Variants in CAPN9 observed in about 807,000 individuals in gnomAD.
The protein encoded by CAPN9 is calpain-9.
Under a neutral mutation model 92.8 loss-of-function variants are expected in CAPN9, and 81 were observed. The ratio of observed to expected loss-of-function variants is 0.87; its 90% CI spans 0.73 to 1.05. The LOEUF (loss-of-function observed/expected upper bound fraction) is 1.05. Among genes scored for constraint, CAPN9 ranks in the 50% least tolerant of loss-of-function variants. CAPN9 has a pLI of 0.00. For missense variants in CAPN9, 848 were observed against 866.2 expected, an observed-to-expected ratio of 0.98 and a Z score of 0.26; for synonymous variants, 304 against 328.0, an observed-to-expected ratio of 0.93 and a Z score of 0.79.
chr1:230,779,211 G>A, intron 9 of CAPN9, 78 bp downstream of exon 9: 2 of 1,371,162 alleles, frequency 1.5e-6, no homozygotes, highest in South Asian at 2.6e-5. Flanking sequence ...ATAAGGGCCG[G>A]GTCCTCAGAG....
At chr1:230,786,132 CAAGTAAGCATCTATGATTCT>C (rs1667566428) in intron 12 of CAPN9, 115 bp downstream of exon 12, 1 of 1,592,764 alleles carries the variant, frequency 6.3e-7, no homozygotes, top group South Asian at 1.2e-5. Flanking sequence ...TACATGCAAT[CAAGTAAGCATCTATGATTCT>C]AACCTCCTGG....
At chr1:230,754,195 A>G (rs1199556372) in intron 1 of CAPN9, among the ~76,000 whole-genome samples, 4 of 152,116 alleles carry the variant, frequency 2.6e-5, no homozygotes, top group Admixed American at 2.6e-4. Flanking sequence ...CCACCAGGGC[A>G]GGGGCTTTCC....
rs531607667 is a variant in CAPN9 at position 230,751,436 on chromosome 1, A to G, written c.213+3727A>G. Among the ~76,000 whole-genome samples, 5 of 151,618 alleles carry G rather than the reference A, an allele frequency of 3.3e-5. No homozygotes were observed. In the East Asian group the frequency reaches 9.7e-4, roughly 29 times the overall value. ...AAAGAAAGAGAGAAAGAAAGAGAAA[A>G]AGAGAGAAGGAGAGGAAGAGAGAGA... On this transcript the variant is annotated intron_variant, in intron 1 of 19. Transcript: ENST00000271971.
intron 19 of CAPN9, among the ~76,000 whole-genome samples, chr1:230,800,286 GA>G (rs1234068291): frequency 4.9e-5 from 6 of 123,492 alleles, no homozygotes; most frequent in Non-Finnish European, 8.9e-5. Context: ...AAGAAAGAAA[GA>G]AAGAAAGAAA....
chr1:230,774,591 A>C lies in CAPN9; in HGVS notation c.913A>C (p.Lys305Gln). The C allele has an allele frequency of 6.2e-7, 1 of 1,614,056 alleles. No homozygotes were observed. Among genetic ancestry groups the C allele is most frequent in the Non-Finnish European group, 8.5e-7 (1 of 1,179,950 alleles). The change falls in exon 8 of 20, where the codon AAG becomes CAG. Residue 305 changes from lysine (K) to glutamine (Q), a missense_variant. By Grantham distance (53) the Lys-to-Gln change is moderately conservative. Transcript: ENST00000271971. ...GCGTTCTGTTGGTCCAGCTGAGCAG[A>C]AGCGTCTGTGTCACACTGCTCTGGA... is the stretch of plus-strand genomic sequence containing the variant. The part of the protein sequence containing the change: ...EWRSVGPAEQ[K>Q]RLCHTALDDG...
intron 8 of CAPN9, among the ~76,000 whole-genome samples, chr1:230,778,191 C>A (rs144687446): frequency 1.3e-5 from 2 of 152,142 alleles, no homozygotes; most frequent in African/African-American, 2.4e-5. Context: ...TCCTTTCATT[C>A]GCTCCTTCCC....
chr1:230,765,828 T>C (rs1341316094), intron 4 of CAPN9, among the ~76,000 whole-genome samples: 2 of 152,164 alleles, frequency 1.3e-5, no homozygotes, highest in Non-Finnish European at 2.9e-5. Context: ...ATTCCATCCT[T>C]GAGGAGGTGG....
At chr1:230,800,154 G>A (rs1668581870) in intron 19 of CAPN9, among the ~76,000 whole-genome samples, 2 of 151,098 alleles carry the variant, frequency 1.3e-5, no homozygotes, top group African/African-American at 4.9e-5. Flanking sequence ...CTCCAGCCTG[G>A]GCGACAGAGT....
At chr1:230,769,334 TCAGTG>T in intron 6 of CAPN9, 71 bp downstream of exon 6, 1 of 1,109,424 alleles carries the variant, frequency 9.0e-7, no homozygotes, top group Non-Finnish European at 1.4e-6. Flanking sequence ...AGGCATTTAT[TCAGTG>T]CATTGCAGTT....
intron 19 of CAPN9, among the ~76,000 whole-genome samples, chr1:230,801,086 C>T (rs1165134267): frequency 6.6e-6 from 1 of 152,104 alleles, no homozygotes; most frequent in African/African-American, 2.4e-5. Flanking sequence ...AGGGTGGACT[C>T]GGGAGAGAAA....
In CAPN9 at chr1:230,747,434, C is replaced by T. The variant is rs1664488498; in HGVS notation, c.-63C>T. 2.1e-6 allele frequency: 3 copies of T among 1,415,754 alleles called. No individual in the cohort carries two copies. In the Admixed American group the frequency reaches 5.0e-5, roughly 24 times the overall value. The allele number at this position is 1,415,754 out of a possible 1,614,324, so 87.7% of individuals were successfully genotyped here. A position where few individuals can be genotyped will look rare whatever the true frequency, so the allele number is the denominator to read the frequency against. ...GTTCCTTCTTGACCGGCACACACAG[C>T]TCGCTTCTTCACTTTCTTTTCCATC... On this transcript the variant is annotated 5_prime_UTR_variant, in exon 1 of 20. Transcript: ENST00000271971.
At chr1:230,767,196 C>G (rs990694481) in intron 4 of CAPN9, among the ~76,000 whole-genome samples, 1 of 152,060 alleles carries the variant, frequency 6.6e-6, no homozygotes, top group Non-Finnish European at 1.5e-5. Flanking sequence ...GAGCACAACT[C>G]TCTCCCCCAT....
chr1:230,789,835 C>T (rs1667859902), intron 13 of CAPN9, among the ~76,000 whole-genome samples: 1 of 152,152 alleles, frequency 6.6e-6, no homozygotes, highest in African/African-American at 2.4e-5. Context: ...GGTTCTGACC[C>T]TCAGGGAAGC....
chr1:230,763,404 C>T (rs1005017993), intron 4 of CAPN9, among the ~76,000 whole-genome samples: 5 of 152,248 alleles, frequency 3.3e-5, no homozygotes, highest in South Asian at 2.1e-4. Flanking sequence ...ACTTCCTATT[C>T]CTCCCTTCCC....
intron 17 of CAPN9, among the ~76,000 whole-genome samples, chr1:230,793,476 A>G (rs550765683): frequency 5.9e-4 from 90 of 152,260 alleles, no homozygotes; most frequent in African/African-American, 2.0e-3. Context: ...GCTGGGCTCC[A>G]GGTGGCATTT....
At chr1:230,774,735 CTTTCTTTTTTTTT>C (rs1666628324) in intron 8 of CAPN9, 104 bp downstream of exon 8, 7 of 590,226 alleles carry the variant, frequency 1.2e-5, no homozygotes, top group Non-Finnish European at 1.4e-5. Context: ...TTCTTTCTTT[CTTTCTTTTTTTTT>C]TTTTTTTTTT....
intron 18 of CAPN9, among the ~76,000 whole-genome samples, chr1:230,797,838 G>A: frequency 6.6e-6 from 1 of 152,086 alleles, no homozygotes; most frequent in East Asian, 1.9e-4. Context: ...TTTTTTCTGG[G>A]GCCTATGGAT....
chr1:230,785,189 TTTTGA>T (rs145294485), intron 11 of CAPN9, among the ~76,000 whole-genome samples: 1 of 152,322 alleles, frequency 6.6e-6, no homozygotes, highest in Non-Finnish European at 1.5e-5. Context: ...TGGAACTTGA[TTTTGA>T]TTTGACAGGC....
chr1:230,765,147 T>C (rs1665891312), intron 4 of CAPN9, among the ~76,000 whole-genome samples: 1 of 151,592 alleles, frequency 6.6e-6, no homozygotes, highest in Non-Finnish European at 1.5e-5. Flanking sequence ...CACATACATA[T>C]ATACATACAT....
Sources: gnomAD v4.1 joint callset for allele counts (sites outside exome capture counted in the v4.1 genomes callset) on GRCh38, gnomAD v4.1.1 for gene constraint, MANE v1.5 for transcripts, NCBI Gene and HGNC (gene_info 2026-07-23, HGNC 2026-07-21) for gene names.